The following MOSPD3 variants were observed in gnomAD, a reference collection of about 807,000 sequenced individuals.
MOSPD3 encodes the protein motile sperm domain containing 3.
In MOSPD3, 20 loss-of-function variants were observed where a neutral mutation model predicts 23.3. The ratio of observed to expected loss-of-function variants is 0.86; its 90% CI spans 0.61 to 1.25. The LOEUF is 1.25. Ranked by LOEUF, MOSPD3 falls within the 50% of genes most tolerant of loss-of-function variation. MOSPD3 has a pLI of 0.00. For missense variants in MOSPD3, 307 were observed against 315.7 expected (o/e 0.97, Z 0.21); for synonymous variants, 136 against 135.2 (o/e 1.01, Z -0.04).
chr7:100,612,790 G>A lies in MOSPD3; in HGVS notation c.-2G>A, dbSNP rs1360000632. The A allele has an allele frequency of 2.5e-6, 4 of 1,580,578 alleles. No individual in the cohort carries two copies. In the African/African-American group the frequency reaches 4.1e-5, roughly 16 times the overall value. ...TCGGATGTCCGACCGCCCAGAGCCT[G>A]CATGCGCCGTGGGGCGCCCCAGGAC... On this transcript the variant is annotated 5_prime_UTR_variant, in exon 1 of 5. Transcript: ENST00000393950.
In MOSPD3 at chr7:100,613,858, T is replaced by A. The variant is rs148969978; in HGVS notation, c.511+152T>A. ...CTCCGAGTTGAGATTTTATATCAGG[T>A]GAGGGGGAAAAGACTTACAGCTTCC... On this transcript the variant is annotated intron_variant, in intron 3 of 4. Coordinates refer to ENST00000393950, the MANE Select transcript of MOSPD3 (RefSeq NM_023948.5). 1.0e-3 allele frequency: 756 copies of A among 741,628 alleles called. 8 individuals are homozygous for A. The East Asian group carries it at 0.013, about 13-fold the overall frequency. The allele number at this position is 741,628 out of a possible 1,614,324, so 45.9% of individuals were successfully genotyped here. A position where few individuals can be genotyped will look rare whatever the true frequency, so the allele number is the denominator to read the frequency against.
chr7:100,615,082 G>T, intron 4 of MOSPD3, 51 bp downstream of exon 4: 1 of 1,614,102 alleles, frequency 6.2e-7, no homozygotes, highest in Non-Finnish European at 8.5e-7. Context: ...AGGGAGAAGG[G>T]ACGGGAGGAG....
In MOSPD3 at chr7:100,613,631, G is replaced by A. The variant is rs137921044; in HGVS notation, c.436G>A (p.Gly146Arg). 3 of 1,614,112 alleles carry A rather than the reference G, an allele frequency of 1.9e-6. No individual in the cohort carries two copies. The highest frequency in any genetic ancestry group is 2.5e-6 in the Non-Finnish European group (3 of 1,180,030). Residue 146 changes from glycine (G) to arginine (R), a missense_variant, in exon 3 of 5, where the codon GGA becomes AGA. By Grantham distance (125) the Gly-to-Arg change is moderately radical. Coordinates refer to ENST00000393950, the MANE Select transcript of MOSPD3 (RefSeq NM_023948.5). Reference protein sequence around the residue: ...RAPAYPLELQGQPDPAPRPGP... With the variant: ...RAPAYPLELQRQPDPAPRPGP... ...CCCAGCGTACCCCCTTGAGCTTCAG[G>A]GACAGCCAGATCCAGCGCCTCGCCC...
At chr7:100,613,316 C>A (rs1251582003) in intron 2 of MOSPD3, 47 bp downstream of exon 2, 2 of 1,581,748 alleles carry the variant, frequency 1.3e-6, no homozygotes, top group East Asian at 4.5e-5. Context: ...CCAGGGGTCG[C>A]TGCCACCTGT....
Position 100,615,302 on chromosome 7 carries a change from CTCCTCCCTG to C in MOSPD3, c.*120_*128del. 1.2e-6 allele frequency: 1 copy of C among 864,896 alleles called. No individual in the cohort carries two copies. The highest frequency in any genetic ancestry group is 1.8e-6 in the Non-Finnish European group (1 of 567,796). 53.6% of individuals were successfully genotyped at this position (864,896 alleles called of 1,614,324 possible). On this transcript the variant is annotated 3_prime_UTR_variant, in exon 5 of 5. Transcript: ENST00000393950. ...TCTTCTCTTTCCTGCCTACTCCCCACTCCTCCCTGACAAAAAACACCCAGGGATTTGTAC... is the reference window on the plus strand; with the variant it reads ...TCTTCTCTTTCCTGCCTACTCCCCACACAAAAAACACCCAGGGATTTGTAC...
At position 100,612,996 on chromosome 7, in the gene MOSPD3, G is replaced by C; in HGVS notation, c.205G>C (p.Val69Leu). 6.2e-7 allele frequency: 1 copy of C among 1,614,112 alleles called. No individual in the cohort carries two copies. Among genetic ancestry groups the C allele is most frequent in the Non-Finnish European group, 8.5e-7 (1 of 1,180,002 alleles). ...NPTGTALRFR[V>L]LCTAPAKYTV... is the part of the protein sequence containing the mutation. ...CACAGGAACTGCGCTTCGCTTCCGA[G>C]GTAAAGGGATCGGCGCCTCGTGGGG... is the stretch of plus-strand genomic sequence containing the variant. The change falls in exon 1 of 5, where the codon GTC (valine) becomes CTC (leucine). Residue 69 changes from valine to leucine, a missense_variant and splice_region_variant. Transcript: ENST00000393950.
rs141932494 is a variant in MOSPD3, at chr7:100,614,907, C to A, written c.552C>A (p.Phe184Leu). ...TGGCCACCAGCTCCTTCCTCCTCTTCTTGCTGACGGGGATTGTGTCTGTGG... is the reference window on the plus strand; with the variant it reads ...TGGCCACCAGCTCCTTCCTCCTCTTATTGCTGACGGGGATTGTGTCTGTGG... The part of the protein sequence containing the change: ...QQLATSSFLL[F>L]LLTGIVSVAF... Residue 184 changes from phenylalanine to leucine, a missense_variant, in exon 4 of 5, where the codon TTC (phenylalanine) becomes TTA (leucine). Physicochemically the swap from Phe to Leu is conservative, Grantham distance 22 (BLOSUM62 0). Coordinates refer to ENST00000393950, the MANE Select transcript of MOSPD3 (RefSeq NM_023948.5). 6.2e-7 allele frequency: 1 copy of A among 1,614,192 alleles called. No homozygotes were observed.
intron 1 of MOSPD3, 65 bp downstream of exon 1, chr7:100,613,061 A>C: frequency 6.3e-7 from 1 of 1,593,906 alleles, no homozygotes; most frequent in Non-Finnish European, 8.6e-7. Context: ...TGGCTGGAGG[A>C]GTCAGATGGG....
rs981071277 is a variant in MOSPD3 at position 100,613,623 on chromosome 7, A to T, written c.428A>T (p.Glu143Val). The T allele has an allele frequency of 1.2e-6, 2 of 1,614,098 alleles. No individual in the cohort carries two copies. Among genetic ancestry groups the T allele is most frequent in the Non-Finnish European group, 8.5e-7 (1 of 1,180,026 alleles). Reference sequence around the variant, plus strand: ...CTGAGAGCCCCAGCGTACCCCCTTGAGCTTCAGGGACAGCCAGATCCAGCG... The same window carrying T: ...CTGAGAGCCCCAGCGTACCCCCTTGTGCTTCAGGGACAGCCAGATCCAGCG... Reference protein sequence around the residue: ...SILRAPAYPLELQGQPDPAPR... With the variant: ...SILRAPAYPLVLQGQPDPAPR... The change falls in exon 3 of 5, where the codon GAG becomes GTG. Residue 143 changes from glutamate (E) to valine (V), a missense_variant. Physicochemically the swap from Glu to Val is moderately radical, Grantham distance 121 (BLOSUM62 -2). Transcript: ENST00000393950.
In MOSPD3 at chr7:100,613,720, C is replaced by T; in HGVS notation, c.511+14C>T. 1.9e-6 allele frequency: 3 copies of T among 1,606,988 alleles called. No individual in the cohort carries two copies. Among genetic ancestry groups the T allele is most frequent in the Non-Finnish European group, 2.5e-6 (3 of 1,177,318 alleles). On this transcript the variant is annotated intron_variant, in intron 3 of 4. Transcript: ENST00000393950. ...ACTTCCAGGAGCGTGAGTTGGGAGA[C>T]TGGGATCTTGAGTTCTGTAGGGAGG...
chr7:100,612,716 C>T lies in MOSPD3; in HGVS notation c.-76C>T. On this transcript the variant is annotated 5_prime_UTR_variant, in exon 1 of 5. Coordinates refer to ENST00000393950, the MANE Select transcript of MOSPD3 (RefSeq NM_023948.5). Reference sequence around the variant, plus strand: ...GAGCTCATCTTGTCCCCTTTCGCCCCTCACGCCCCCCAGCTCTGACTCCAG... The same window carrying T: ...GAGCTCATCTTGTCCCCTTTCGCCCTTCACGCCCCCCAGCTCTGACTCCAG... The T allele has an allele frequency of 1.6e-6, 2 of 1,229,462 alleles. No individual in the cohort carries two copies. The highest frequency in any genetic ancestry group is 2.5e-5 in the East Asian group (1 of 40,602). The allele number at this position is 1,229,462 out of a possible 1,614,324, so 76.2% of individuals were successfully genotyped here.
rs536262613 is a variant in MOSPD3 at position 100,614,964 on chromosome 7, C to T, written c.609C>T (p.Leu203=). The T allele has an allele frequency of 5.6e-6, 9 of 1,614,054 alleles. No homozygotes were observed. In the East Asian group the frequency reaches 8.9e-5, roughly 16 times the overall value. ...AFLLLPLPDE[L]GSQLPQVLHV... ...TGCTGCTCCCACTCCCGGACGAACT[C>T]GGCAGCCAGCTGCCTCAAGTCCTGC... Residue 203 remains leucine (L), a synonymous_variant, in exon 4 of 5, where the codon CTC becomes CTT. Transcript: ENST00000393950.
chr7:100,614,921 T>C lies in MOSPD3; in HGVS notation c.566T>C (p.Ile189Thr). The C allele has an allele frequency of 1.2e-6, 2 of 1,614,152 alleles. No individual in the cohort carries two copies. The highest frequency in any genetic ancestry group is 1.7e-6 in the Non-Finnish European group (2 of 1,180,006). Residue 189 changes from isoleucine to threonine, a missense_variant, in exon 4 of 5, where the codon ATT becomes ACT. Ile to Thr is a moderately conservative substitution (Grantham distance 89). Coordinates refer to ENST00000393950, the MANE Select transcript of MOSPD3 (RefSeq NM_023948.5). The stretch of plus-strand genomic sequence containing the variant: ...TTCCTCCTCTTCTTGCTGACGGGGA[T>C]TGTGTCTGTGGCCTTCCTGCTGCTC... The part of the protein sequence containing the change: ...SSFLLFLLTG[I>T]VSVAFLLLPL...
In MOSPD3 at chr7:100,614,881, C is replaced by A. The variant is rs1165872833; in HGVS notation, c.526C>A (p.Leu176Met). The A allele has an allele frequency of 6.2e-7, 1 of 1,614,104 alleles. No homozygotes were observed. Among genetic ancestry groups the A allele is most frequent in the South Asian group, 1.1e-5 (1 of 91,080 alleles). ...RHFQEHPRQQLATSSFLLFLL... is the reference protein window; with the variant it reads ...RHFQEHPRQQMATSSFLLFLL... ...TTGTTTCTCAGACCCCCGCCAGCAA[C>A]TGGCCACCAGCTCCTTCCTCCTCTT... Residue 176 changes from leucine to methionine, a missense_variant, in exon 4 of 5, where the codon CTG becomes ATG. By Grantham distance (15) the Leu-to-Met change is conservative. Coordinates refer to ENST00000393950, the MANE Select transcript of MOSPD3 (RefSeq NM_023948.5).
At position 100,614,886 on chromosome 7, in the gene MOSPD3, C is replaced by T. The variant is rs376579894; in HGVS notation, c.531C>T (p.Ala177=). The T allele has an allele frequency of 9.3e-6, 15 of 1,614,026 alleles. No individual in the cohort carries two copies. Among genetic ancestry groups the T allele is most frequent in the Non-Finnish European group, 1.3e-5 (15 of 1,180,002 alleles). The change falls in exon 4 of 5, where the codon GCC becomes GCT. Residue 177 remains alanine, a synonymous_variant. Transcript: ENST00000393950. ...HFQEHPRQQL[A]TSSFLLFLLT... ...TCTCAGACCCCCGCCAGCAACTGGC[C>T]ACCAGCTCCTTCCTCCTCTTCTTGC...
chr7:100,612,905 C>T lies in MOSPD3; in HGVS notation c.114C>T (p.Pro38=). The T allele has an allele frequency of 1.2e-6, 2 of 1,613,564 alleles. No individual in the cohort carries two copies. Among genetic ancestry groups the T allele is most frequent in the Non-Finnish European group, 1.7e-6 (2 of 1,179,932 alleles). ...CCGTTGTCCCGGTCCTGGTCTTTCC[C>T]CCGGATCTAGTATTCAGGGCGGACC... is the stretch of plus-strand genomic sequence containing the variant. ...LGPVVPVLVF[P]PDLVFRADQR... Residue 38 remains proline (P), a synonymous_variant, in exon 1 of 5, where the codon CCC becomes CCT. Coordinates refer to ENST00000393950, the MANE Select transcript of MOSPD3 (RefSeq NM_023948.5).
At chr7:100,613,816 T>C in intron 3 of MOSPD3, 110 bp downstream of exon 3, 5 of 975,210 alleles carry the variant, frequency 5.1e-6, no homozygotes, top group Non-Finnish European at 7.6e-6. Flanking sequence ...GTCTTTTGTC[T>C]TTTGGTGGAA....
chr7:100,613,821 G>T, intron 3 of MOSPD3, 115 bp downstream of exon 3: 3 of 922,784 alleles, frequency 3.3e-6, no homozygotes, highest in Non-Finnish European at 4.9e-6. Context: ...TTGTCTTTTG[G>T]TGGAAACATT....
At position 100,614,985 on chromosome 7, in the gene MOSPD3, C is replaced by G. The variant is rs756693070; in HGVS notation, c.630C>G (p.Val210=). ...AACTCGGCAGCCAGCTGCCTCAAGT[C>G]CTGCACGTCTCCCTGGGACAAAAGT... The part of the protein sequence containing the change: ...PDELGSQLPQ[V]LHVSLGQKLV... The change falls in exon 4 of 5, where the codon GTC becomes GTG. Residue 210 remains valine (V), a synonymous_variant. Transcript: ENST00000393950. The G allele has an allele frequency of 3.1e-6, 5 of 1,614,170 alleles. No homozygotes were observed. The highest frequency in any genetic ancestry group is 8.5e-7 in the Non-Finnish European group (1 of 1,180,006).
Sources: allele counts gnomAD v4.1 joint callset, GRCh38; gene constraint gnomAD v4.1.1; transcripts MANE v1.5; gene names NCBI Gene and HGNC (gene_info 2026-07-23, HGNC 2026-07-21).